The following ARAP2 variants were observed in gnomAD, a reference collection of about 807,000 sequenced individuals.
ARAP2 encodes the protein ArfGAP with RhoGAP domain, ankyrin repeat and PH domain 2.
Under a neutral mutation model 194.5 loss-of-function variants are expected in ARAP2, and 148 were observed. The observed-to-expected ratio is 0.76, with a 90% confidence interval of 0.67 to 0.87. The LOEUF (loss-of-function observed/expected upper bound fraction) is 0.87. Ranked by LOEUF, ARAP2 falls within the 40% of genes least tolerant of loss-of-function variation. The pLI is 0.00. For missense variants in ARAP2, 2,128 were observed against 1,989.7 expected (o/e 1.07, Z -1.32); for synonymous variants, 695 against 683.5 (o/e 1.02, Z -0.26).
intron 26 of ARAP2, 29 bp downstream of exon 26, chr4:36,114,141 T>G (rs762829822): frequency 7.1e-7 from 1 of 1,417,334 alleles, no homozygotes; most frequent in South Asian, 1.2e-5. Flanking sequence ...ATAAGTAATT[T>G]AAGAATCCCT....
In ARAP2 at chr4:36,210,638, T is replaced by C. The variant is rs2109269510; in HGVS notation, c.1239A>G (p.Ser413=). 6.2e-7 allele frequency: 1 copy of C among 1,613,914 alleles called. No homozygotes were observed. The highest frequency in any genetic ancestry group is 8.5e-7 in the Non-Finnish European group (1 of 1,179,880). Residue 413 remains serine (S), a synonymous_variant, in exon 6 of 33, where the codon TCA becomes TCG. Coordinates refer to ENST00000303965, the MANE Select transcript of ARAP2 (RefSeq NM_015230.4). ...NNFLIDTASE[S]EYSTVEECFQ... is the part of the protein sequence containing the mutation. Reference sequence around the variant, plus strand: ...AGCATTCTTCTACTGTTGAGTATTCTGATTCAGAAGCAGTGTCTATCAAAA... The same window carrying C: ...AGCATTCTTCTACTGTTGAGTATTCCGATTCAGAAGCAGTGTCTATCAAAA...
downstream of ARAP2, among the ~76,000 whole-genome samples, chr4:36,061,262 T>C (rs1365843122): frequency 6.6e-6 from 1 of 152,194 alleles, no homozygotes; most frequent in Admixed American, 6.5e-5. Context: ...AAACTGACTA[T>C]AGGCACCCTG....
intron 2 of ARAP2, among the ~76,000 whole-genome samples, chr4:36,228,306 C>T (rs1393632688): frequency 1.3e-5 from 2 of 152,040 alleles, no homozygotes; most frequent in Non-Finnish European, 2.9e-5. Flanking sequence ...GGTGTGGAAA[C>T]TTGGTATGGA....
chr4:36,050,139 T>C (rs1006687292), intron 3 of ARAP2, among the ~76,000 whole-genome samples: 1 of 152,158 alleles, frequency 6.6e-6, no homozygotes, highest in Non-Finnish European at 1.5e-5. Context: ...TGACAAGACT[T>C]TACCATATTT....
intron 8 of ARAP2, chr4:36,012,908 T>G (rs954342934): frequency 6.6e-6 from 1 of 152,256 alleles, no homozygotes; most frequent in Non-Finnish European, 1.5e-5. Context: ...GGCATTGTCT[T>G]GCCTGCTTTA....
intron 5 of ARAP2, among the ~76,000 whole-genome samples, chr4:36,035,148 G>A (rs184577794): frequency 1.8e-4 from 27 of 152,002 alleles, no homozygotes; most frequent in African/African-American, 5.3e-4. Context: ...AATAGTTTCC[G>A]TAGGCATGGT....
At chr4:36,020,121 G>A (rs746205902) in intron 5 of ARAP2, among the ~76,000 whole-genome samples, 3 of 152,236 alleles carry the variant, frequency 2.0e-5, no homozygotes, top group African/African-American at 7.2e-5. Context: ...ATAATACCAC[G>A]ACAATCAGAC....
intron 31 of ARAP2, among the ~76,000 whole-genome samples, chr4:36,076,671 C>A (rs977913669): frequency 6.6e-6 from 1 of 151,968 alleles, no homozygotes. Flanking sequence ...CCTTCTCCCC[C>A]AGGCATCTCA....
intron 2 of ARAP2, among the ~76,000 whole-genome samples, chr4:36,227,368 A>G (rs1750558952): frequency 6.6e-6 from 1 of 152,208 alleles, no homozygotes; most frequent in Non-Finnish European, 1.5e-5. Context: ...ATTTCCTAGT[A>G]AATACCAGAC....
chr4:36,085,341 G>C (rs73806436), intron 28 of ARAP2, among the ~76,000 whole-genome samples: 1,999 of 151,856 alleles, frequency 0.013, 46 homozygotes, highest in African/African-American at 0.045. Flanking sequence ...CTTTTTTTAG[G>C]ATTTAAATCT....
At chr4:36,087,324 A>T (rs1712146668) in intron 28 of ARAP2, among the ~76,000 whole-genome samples, 2 of 152,248 alleles carry the variant, frequency 1.3e-5, no homozygotes, top group African/African-American at 2.4e-5. Flanking sequence ...AAATGTAAAA[A>T]TTAAAGTATC....
At chr4:36,230,503 T>C (rs551384070) in intron 1 of ARAP2, among the ~76,000 whole-genome samples, 1 of 152,320 alleles carries the variant, frequency 6.6e-6, no homozygotes, top group Admixed American at 6.5e-5. Context: ...ACAGAAAATA[T>C]GCTAATATGA....
chr4:36,157,426 G>T (rs886225920), intron 15 of ARAP2: 2 of 151,082 alleles, frequency 1.3e-5, no homozygotes, highest in African/African-American at 4.9e-5. Flanking sequence ...TTATTGGTTA[G>T]GCTGAGTAAA....
At position 36,017,564 on chromosome 4, in the gene ARAP2, T is replaced by TAAA. The variant is rs71199694; in HGVS notation, n.750+1577_750+1579dup. Among the ~76,000 whole-genome samples the TAAA allele has an allele frequency of 4.0e-4, 17 of 42,552 alleles. 1 individual carries two copies. Among genetic ancestry groups the TAAA allele is most frequent in the African/African-American group, 1.7e-3 (15 of 8,624 alleles). 27.9% of individuals were successfully genotyped at this position (42,552 alleles called of 152,430 possible). ...TTTAAGCAAAGACCTAAGAAAGTGGTAAAAAAAAAAAAAAAAAAAAAAAGC... is the reference window on the plus strand; with the variant it reads ...TTTAAGCAAAGACCTAAGAAAGTGGTAAAAAAAAAAAAAAAAAAAAAAAAAAGC... On this transcript the variant is annotated intron_variant and non_coding_transcript_variant, in intron 6 of 12. Coordinates refer to the ARAP2 transcript ENST00000503225.
chr4:36,189,506 C>T (rs1489799825), intron 7 of ARAP2, among the ~76,000 whole-genome samples: 1 of 152,132 alleles, frequency 6.6e-6, no homozygotes, highest in Non-Finnish European at 1.5e-5. Flanking sequence ...AGGACTTATT[C>T]CGCCTCTCTA....
At chr4:36,237,820 T>G (rs892563320) in intron 1 of ARAP2, among the ~76,000 whole-genome samples, 10 of 152,236 alleles carry the variant, frequency 6.6e-5, no homozygotes, top group African/African-American at 2.4e-4. Flanking sequence ...GGTACCGTGT[T>G]ATTTGCACAT....
chr4:36,063,940 C>A (rs577400711), downstream of ARAP2, among the ~76,000 whole-genome samples: 1 of 152,158 alleles, frequency 6.6e-6, no homozygotes, highest in Non-Finnish European at 1.5e-5. Flanking sequence ...AATGCATTTA[C>A]AAAATTGCTT....
chr4:36,046,763 T>G (rs768163979), exon 4 of ARAP2: 8 of 152,128 alleles, frequency 5.3e-5, no homozygotes, highest in Admixed American at 1.3e-4. Flanking sequence ...GCTTTTCTTT[T>G]CTTTTCTGTC....
At chr4:36,102,501 G>A (rs1360013403) in intron 27 of ARAP2, among the ~76,000 whole-genome samples, 2 of 151,942 alleles carry the variant, frequency 1.3e-5, no homozygotes, top group African/African-American at 4.8e-5. Context: ...TACTTTTAGT[G>A]AGTAAGAGTA....
Sources: allele counts gnomAD v4.1 joint callset (sites outside exome capture counted in the v4.1 genomes callset), GRCh38; gene constraint gnomAD v4.1.1; transcripts MANE v1.5; gene names NCBI Gene and HGNC (gene_info 2026-07-23, HGNC 2026-07-21).